Variants in FOXK1 observed in about 807,000 individuals in gnomAD.
FOXK1 encodes the protein forkhead box protein K1.
A neutral mutation model predicts 51.9 loss-of-function variants in FOXK1; 19 were observed. That is an observed-to-expected ratio of 0.37 (90% CI 0.26 to 0.54). The LOEUF (loss-of-function observed/expected upper bound fraction) is 0.54, where lower values mean the gene tolerates loss of function less well. FOXK1 is among the 20% of genes least tolerant of loss of function. FOXK1 has a pLI of 0.87. For synonymous variants in FOXK1, 537 were observed against 482.6 expected, an observed-to-expected ratio of 1.11 and a Z score of -1.48; for missense variants, 870 against 1,032.7, an observed-to-expected ratio of 0.84 and a Z score of 2.16.
rs903249112 is a variant in FOXK1 at position 4,711,737 on chromosome 7, C to T, written c.560+28869C>T. 6.6e-6 allele frequency among the ~76,000 whole-genome samples: 1 copy of T among 152,238 alleles called. No individual in the cohort carries two copies. Among genetic ancestry groups the T allele is most frequent in the African/African-American group, 2.4e-5 (1 of 41,468 alleles). On this transcript the variant is annotated intron_variant, in intron 1 of 8. Coordinates refer to ENST00000328914, the MANE Select transcript of FOXK1 (RefSeq NM_001037165.2). This position sits in a 1 kb window ranked among gnomAD's most constrained non-coding sequence, Gnocchi z 6.3. Reference sequence around the variant, plus strand: ...GTCAGGAGGCCAGCTCTGTGTCACCCACCAGGCTGGGCTCAGCCACAAGTC... The same window carrying T: ...GTCAGGAGGCCAGCTCTGTGTCACCTACCAGGCTGGGCTCAGCCACAAGTC...
chr7:4,688,523 G>A (rs918626153), intron 1 of FOXK1, among the ~76,000 whole-genome samples: 1 of 151,894 alleles, frequency 6.6e-6, no homozygotes, highest in African/African-American at 2.4e-5. Flanking sequence ...AGCCTCCCAA[G>A]TAGCTGGGAT....
intron 1 of FOXK1, among the ~76,000 whole-genome samples, chr7:4,687,055 C>T (rs1297455796): frequency 6.6e-6 from 1 of 151,732 alleles, no homozygotes; most frequent in Non-Finnish European, 1.5e-5. Context: ...GCCTCAGCCT[C>T]CCGAGTACCT....
Position 4,748,480 on chromosome 7 carries a change from G to A in FOXK1, c.747-5979G>A, listed in dbSNP as rs553245027. ...GGCTTATTTCCGCCACACTCCCCCC[G>A]CTCTTGGGGTTAATAATGGCCTCTT... is the stretch of plus-strand genomic sequence containing the variant. On this transcript the variant is annotated intron_variant, in intron 2 of 8. Coordinates refer to ENST00000328914, the MANE Select transcript of FOXK1 (RefSeq NM_001037165.2). This position sits in a 1 kb window ranked among gnomAD's most constrained non-coding sequence, Gnocchi z 4.9. Among the ~76,000 whole-genome samples the A allele has an allele frequency of 5.3e-5, 8 of 152,200 alleles. No homozygotes were observed. Among genetic ancestry groups the A allele is most frequent in the South Asian group, 2.1e-4 (1 of 4,820 alleles).
At chr7:4,754,838 G>A (rs1364887760) in intron 3 of FOXK1, 6 of 637,954 alleles carry the variant, frequency 9.4e-6, no homozygotes, top group African/African-American at 5.5e-5. Context: ...GGGTGGCGCC[G>A]TCACCGAGGG....
At chr7:4,690,090 G>A (rs951031234) in intron 1 of FOXK1, among the ~76,000 whole-genome samples, 1 of 152,228 alleles carries the variant, frequency 6.6e-6, no homozygotes, top group African/African-American at 2.4e-5. Context: ...TGGTCTGTTA[G>A]TGAAGGAAGC....
At chr7:4,719,355 T>C (rs920830584) in intron 1 of FOXK1, among the ~76,000 whole-genome samples, 3 of 152,054 alleles carry the variant, frequency 2.0e-5, no homozygotes, top group Non-Finnish European at 4.4e-5. Flanking sequence ...TTGTCCAGGC[T>C]GGTTGCAAAC....
chr7:4,756,316 T>C lies in FOXK1; in HGVS notation c.1051-678T>C, dbSNP rs141240290. 4.0e-3 allele frequency among the ~76,000 whole-genome samples: 611 copies of C among 152,188 alleles called. 9 individuals are homozygous for C. Among genetic ancestry groups the C allele is most frequent in the African/African-American group, 0.014 (593 of 41,552 alleles). On this transcript the variant is annotated intron_variant, in intron 4 of 8. Coordinates refer to ENST00000328914, the MANE Select transcript of FOXK1 (RefSeq NM_001037165.2). The surrounding 1 kb of genome is among the most constrained non-coding windows in gnomAD (Gnocchi z 4.1). Reference sequence around the variant, plus strand: ...TTTTAGTAGAGATGGGGTTTCACCATGTTGCCCAGGCTGGTCTCAAACTCC... The same window carrying C: ...TTTTAGTAGAGATGGGGTTTCACCACGTTGCCCAGGCTGGTCTCAAACTCC...
At chr7:4,716,018 G>C (rs529174962) in intron 1 of FOXK1, among the ~76,000 whole-genome samples, 29 of 152,246 alleles carry the variant, frequency 1.9e-4, no homozygotes, top group African/African-American at 7.0e-4. Context: ...GATCACTTGA[G>C]GTAAGGAGTT....
At position 4,747,752 on chromosome 7, in the gene FOXK1, A is replaced by G. The variant is rs148210049; in HGVS notation, c.747-6707A>G. Reference sequence around the variant, plus strand: ...GGTGTCTTGCCCAGGCTGGTCCTGAACTCCTGGCCTCAAGCAGTCTTCCCA... The same window carrying G: ...GGTGTCTTGCCCAGGCTGGTCCTGAGCTCCTGGCCTCAAGCAGTCTTCCCA... On this transcript the variant is annotated intron_variant, in intron 2 of 8. Coordinates refer to ENST00000328914, the MANE Select transcript of FOXK1 (RefSeq NM_001037165.2). The surrounding 1 kb of genome is among the most constrained non-coding windows in gnomAD (Gnocchi z 9.2). Among the ~76,000 whole-genome samples the G allele has an allele frequency of 6.6e-5, 10 of 151,940 alleles. No homozygotes were observed. In the East Asian group the frequency reaches 1.6e-3, roughly 24 times the overall value.
At chr7:4,719,974 C>T (rs1303027417) in intron 1 of FOXK1, among the ~76,000 whole-genome samples, 5 of 152,172 alleles carry the variant, frequency 3.3e-5, no homozygotes, top group African/African-American at 9.7e-5. Context: ...TGGACGCCTG[C>T]GCCCATCCAG....
intron 2 of FOXK1, among the ~76,000 whole-genome samples, chr7:4,744,290 C>T (rs973650113): frequency 6.6e-6 from 1 of 152,038 alleles, no homozygotes; most frequent in Middle Eastern, 3.2e-3. Flanking sequence ...TCAGGGGGTA[C>T]ACGTGCATAT....
chr7:4,729,835 C>G lies in FOXK1; in HGVS notation c.561-11003C>G, dbSNP rs370902006. ...TGAAACCCCATCTCTACTAACAATA[C>G]AAAAACTAGCCAGGCCTGGTAGTGG... On this transcript the variant is annotated intron_variant, in intron 1 of 8. Coordinates refer to ENST00000328914, the MANE Select transcript of FOXK1 (RefSeq NM_001037165.2). The surrounding 1 kb of genome is among the most constrained non-coding windows in gnomAD (Gnocchi z 6.2). Among the ~76,000 whole-genome samples the G allele has an allele frequency of 6.6e-6, 1 of 152,124 alleles. No homozygotes were observed. The highest frequency in any genetic ancestry group is 2.4e-5 in the African/African-American group (1 of 41,434).
chr7:4,767,787 A>G lies in FOXK1; in HGVS notation c.*5323A>G, dbSNP rs973668797. Reference sequence around the variant, plus strand: ...TTACTGTTTTTTTGGTTGGGTTTTGATACGAAAAGCTGCTACGTTTGGTGA... The same window carrying G: ...TTACTGTTTTTTTGGTTGGGTTTTGGTACGAAAAGCTGCTACGTTTGGTGA... On this transcript the variant is annotated 3_prime_UTR_variant, in exon 9 of 9. Transcript: ENST00000328914. The surrounding 1 kb of genome is among the most constrained non-coding windows in gnomAD (Gnocchi z 6.6). The G allele has an allele frequency of 1.3e-5, 2 of 150,930 alleles. No individual in the cohort carries two copies. The highest frequency in any genetic ancestry group is 6.7e-5 in the Admixed American group (1 of 15,034). The allele number at this position is 150,930 out of a possible 1,614,324, so 9.3% of individuals were successfully genotyped here. A position where few individuals can be genotyped will look rare whatever the true frequency, so the allele number is the denominator to read the frequency against.
chr7:4,682,381 C>A lies in FOXK1; in HGVS notation c.73C>A (p.Leu25Met), dbSNP rs1779757608. The change falls in exon 1 of 9, where the codon CTG (leucine) becomes ATG (methionine). Residue 25 changes from leucine (L) to methionine (M), a missense_variant. Around this residue, in one of 3 missense-constraint regions of FOXK1, gnomAD observed 399 missense variants for 475.6 expected, o/e 0.84. Coordinates refer to ENST00000328914, the MANE Select transcript of FOXK1 (RefSeq NM_001037165.2). The surrounding 1 kb of genome is among the most constrained non-coding windows in gnomAD (Gnocchi z 7.6). ...GCGCTCGGCGCCCTGCAGCCCAGTG[C>A]TGTGCGCCGCAGCCGCCGCCGCCGC... ...ALRSAPCSPV[L>M]CAAAAAAAFP... The A allele has an allele frequency of 1.5e-5, 15 of 982,020 alleles. No homozygotes were observed. The highest frequency in any genetic ancestry group is 1.7e-5 in the Non-Finnish European group (14 of 829,334). The allele number at this position is 982,020 out of a possible 1,614,324, so 60.8% of individuals were successfully genotyped here.
At position 4,707,685 on chromosome 7, in the gene FOXK1, T is replaced by C. The variant is rs1268528569; in HGVS notation, c.560+24817T>C. On this transcript the variant is annotated intron_variant, in intron 1 of 8. Coordinates refer to ENST00000328914, the MANE Select transcript of FOXK1 (RefSeq NM_001037165.2). This position sits in a 1 kb window ranked among gnomAD's most constrained non-coding sequence, Gnocchi z 4.1. ...CATGCGTGTGCGACCAGTACTCCAT[T>C]TCACTTTTTTTTTTTTTGAGACGGA... is the stretch of plus-strand genomic sequence containing the variant. 7.0e-6 allele frequency among the ~76,000 whole-genome samples: 1 copy of C among 142,626 alleles called. No individual in the cohort carries two copies. The highest frequency in any genetic ancestry group is 1.5e-5 in the Non-Finnish European group (1 of 67,912). 93.6% of individuals were successfully genotyped at this position (142,626 alleles called of 152,430 possible).
rs60718857 is a variant in FOXK1, at chr7:4,706,013, C to T, written c.560+23145C>T. Among the ~76,000 whole-genome samples, 41 of 91,424 alleles carry T rather than the reference C, an allele frequency of 4.5e-4. No individual in the cohort carries two copies. The East Asian group carries it at 5.1e-3, about 11-fold the overall frequency. The allele number at this position is 91,424 out of a possible 152,430, so 60.0% of individuals were successfully genotyped here. ...ATATACGTATATATACGTATATATACGTATATATACGTGTATATACGTGTA... is the reference window on the plus strand; with the variant it reads ...ATATACGTATATATACGTATATATATGTATATATACGTGTATATACGTGTA... On this transcript the variant is annotated intron_variant, in intron 1 of 8. Coordinates refer to ENST00000328914, the MANE Select transcript of FOXK1 (RefSeq NM_001037165.2).
chr7:4,697,349 GCC>G (rs532937494), intron 1 of FOXK1, among the ~76,000 whole-genome samples: 188 of 152,334 alleles, frequency 1.2e-3, no homozygotes, highest in African/African-American at 4.4e-3. Context: ...GGTATTCACG[GCC>G]AACTTTTCAG....
At chr7:4,704,464 A>G (rs114315453) in intron 1 of FOXK1, among the ~76,000 whole-genome samples, 2,207 of 151,670 alleles carry the variant, frequency 0.015, 64 homozygotes, top group African/African-American at 0.05. Flanking sequence ...AAAAAAAAAA[A>G]AAAAGAAAAG....
At chr7:4,757,893 A>G (rs1395015918) in intron 5 of FOXK1, 1 of 152,136 alleles carries the variant, frequency 6.6e-6, no homozygotes, top group Non-Finnish European at 1.5e-5. Flanking sequence ...TTCGGCACTT[A>G]AAGACTGCAC....
Sources: allele counts gnomAD v4.1 joint callset (sites outside exome capture counted in the v4.1 genomes callset), GRCh38; gene constraint gnomAD v4.1.1; regional missense constraint gnomAD v4.1.1; non-coding constraint Gnocchi (gnomAD v3.1); transcripts MANE v1.5; gene names NCBI Gene and HGNC (gene_info 2026-07-23, HGNC 2026-07-21).